FBXO28: variants seen among roughly 807,000 people sequenced by gnomAD.
FBXO28 encodes F-box only protein 28.
FBXO28 carries 8 observed loss-of-function variants against 38.1 expected under a neutral mutation model. The ratio of observed to expected loss-of-function variants is 0.21; its 90% CI spans 0.12 to 0.38. The LOEUF is 0.38. FBXO28 is among the 10% of genes least tolerant of loss of function. The pLI, the probability that FBXO28 is intolerant of heterozygous loss-of-function variation, is 1.00. For missense variants in FBXO28, 345 were observed against 460.6 expected (o/e 0.75, Z 2.30); for synonymous variants, 168 against 173.8 (o/e 0.97, Z 0.26).
At chr1:224,132,787 A>G (rs1358317728) in intron 2 of FBXO28, among the ~76,000 whole-genome samples, 12 of 148,480 alleles carry the variant, frequency 8.1e-5, no homozygotes, top group Non-Finnish European at 7.4e-5. Context: ...CCTGGGCGAC[A>G]GAGTGAGCCC....
intron 1 of FBXO28, among the ~76,000 whole-genome samples, chr1:224,121,593 A>T (rs1011464627): frequency 1.3e-5 from 2 of 152,108 alleles, no homozygotes; most frequent in African/African-American, 4.8e-5. Context: ...GGCCTCAAGC[A>T]GTCCTCCTGC....
rs1459382302 is a variant in FBXO28, at chr1:224,158,336, A to T, written c.*590A>T. 3 of 579,668 alleles carry T rather than the reference A, an allele frequency of 5.2e-6. No individual in the cohort carries two copies. The highest frequency in any genetic ancestry group is 6.5e-6 in the Non-Finnish European group (3 of 459,242). 35.9% of individuals were successfully genotyped at this position (579,668 alleles called of 1,614,324 possible). A position where few individuals can be genotyped will look rare whatever the true frequency, so the allele number is the denominator to read the frequency against. Reference sequence around the variant, plus strand: ...TATTGACTATATATTTTTATAAACTACTGGCAAGGAACTTACCCAGCTGTT... The same window carrying T: ...TATTGACTATATATTTTTATAAACTTCTGGCAAGGAACTTACCCAGCTGTT... On this transcript the variant is annotated 3_prime_UTR_variant, in exon 5 of 5. Coordinates refer to ENST00000366862, the MANE Select transcript of FBXO28 (RefSeq NM_015176.4).
rs192158338 is a variant in FBXO28 at position 224,138,048 on chromosome 1, T to C, written c.516+3836T>C. ...TTCAAGACCAGCCTGGCCAACATGG[T>C]GAAACCCTGTCTATACTAAAAATAC... On this transcript the variant is annotated intron_variant, in intron 3 of 4. Coordinates refer to ENST00000366862, the MANE Select transcript of FBXO28 (RefSeq NM_015176.4). Among the ~76,000 whole-genome samples the C allele has an allele frequency of 2.4e-3, 371 of 151,760 alleles. 11 individuals carry two copies. The highest frequency in any genetic ancestry group is 8.5e-3 in the African/African-American group (348 of 41,128).
chr1:224,132,811 A>G (rs1657084080), intron 2 of FBXO28, among the ~76,000 whole-genome samples: 1 of 152,102 alleles, frequency 6.6e-6, no homozygotes, highest in South Asian at 2.1e-4. Context: ...TCAAAAAAAA[A>G]AAAAAGAAAA....
rs1368181799 is a variant in FBXO28, at chr1:224,160,035, C to G, written c.*2289C>G. 1 of 152,078 alleles carries G rather than the reference C, an allele frequency of 6.6e-6. No individual in the cohort carries two copies. Among genetic ancestry groups the G allele is most frequent in the Non-Finnish European group, 1.5e-5 (1 of 68,022 alleles). 9.4% of individuals were successfully genotyped at this position (152,078 alleles called of 1,614,324 possible). On this transcript the variant is annotated 3_prime_UTR_variant, in exon 5 of 5. Transcript: ENST00000366862. ...TGTACTTGTTAATGCATGAATGTTC[C>G]ATGCAGTAGGAGAATAAAGCACTAC... is the stretch of plus-strand genomic sequence containing the variant.
intron 1 of FBXO28, among the ~76,000 whole-genome samples, chr1:224,118,415 A>G (rs1348447859): frequency 1.3e-5 from 2 of 152,168 alleles, no homozygotes; most frequent in African/African-American, 2.4e-5. Flanking sequence ...CTGCGATTCA[A>G]CTGGAGCTCT....
chr1:224,129,002 A>AG (rs1348274471), intron 1 of FBXO28, among the ~76,000 whole-genome samples: 1 of 151,410 alleles, frequency 6.6e-6, no homozygotes, highest in Non-Finnish European at 1.5e-5. Context: ...AAAAAAAAAA[A>AG]ACTATATTAA....
rs112017209 is a variant in FBXO28, at chr1:224,148,661, CAAAAAAAGAAAA to C, written c.517-4468_517-4457del. 3.9e-3 allele frequency among the ~76,000 whole-genome samples: 562 copies of C among 145,514 alleles called. 6 individuals are homozygous for C. Among genetic ancestry groups the C allele is most frequent in the African/African-American group, 0.014 (533 of 39,288 alleles). On this transcript the variant is annotated intron_variant, in intron 3 of 4. Coordinates refer to ENST00000366862, the MANE Select transcript of FBXO28 (RefSeq NM_015176.4). ...TGGGCGACAGAGCAAGACTCCGTCT[CAAAAAAAGAAAA>C]AAAAAAAGAAAAGAAACACCCTAGA...
At chr1:224,145,561 A>G (rs1030339766) in intron 3 of FBXO28, among the ~76,000 whole-genome samples, 3 of 152,168 alleles carry the variant, frequency 2.0e-5, no homozygotes, top group Non-Finnish European at 2.9e-5. Context: ...TGACCCTCAT[A>G]TATGGTTTGT....
In FBXO28 at chr1:224,158,561, GA is replaced by G. The variant is rs1657824012; in HGVS notation, c.*817del. On this transcript the variant is annotated 3_prime_UTR_variant, in exon 5 of 5. Coordinates refer to ENST00000366862, the MANE Select transcript of FBXO28 (RefSeq NM_015176.4). ...CCGCAACAGCTTGCCTCTAGAGGGG[GA>G]ATTGTTCATCCATTTGTCCTCCAGT... is the stretch of plus-strand genomic sequence containing the variant. 6.6e-6 allele frequency: 1 copy of G among 152,552 alleles called. No individual in the cohort carries two copies. Among genetic ancestry groups the G allele is most frequent in the Non-Finnish European group, 1.5e-5 (1 of 68,058 alleles). The allele number at this position is 152,552 out of a possible 1,614,324, so 9.4% of individuals were successfully genotyped here. A position where few individuals can be genotyped will look rare whatever the true frequency, so the allele number is the denominator to read the frequency against.
At chr1:224,114,795 G>T (rs867455676) in intron 1 of FBXO28, among the ~76,000 whole-genome samples, 5 of 152,354 alleles carry the variant, frequency 3.3e-5, no homozygotes, top group Non-Finnish European at 4.4e-5. Context: ...AGAAAACTCA[G>T]AAGTAGGCAG....
chr1:224,153,909 G>A (rs1006203351), intron 4 of FBXO28, among the ~76,000 whole-genome samples: 37 of 145,166 alleles, frequency 2.5e-4, no homozygotes, highest in African/African-American at 9.1e-4. Context: ...CAACAAGAGC[G>A]AAACTCCATC....
intron 4 of FBXO28, among the ~76,000 whole-genome samples, chr1:224,155,815 A>C (rs1022321003): frequency 3.3e-5 from 5 of 152,186 alleles, no homozygotes; most frequent in African/African-American, 1.2e-4. Context: ...GTGGAGACTA[A>C]AAAGAAGTGT....
chr1:224,146,664 A>G (rs930122376), intron 3 of FBXO28, among the ~76,000 whole-genome samples: 2 of 150,620 alleles, frequency 1.3e-5, no homozygotes, highest in Non-Finnish European at 3.0e-5. Context: ...GGCATAAGCC[A>G]CCAGCCACAG....
chr1:224,151,495 G>A (rs1657646548), intron 3 of FBXO28, among the ~76,000 whole-genome samples: 1 of 152,202 alleles, frequency 6.6e-6, no homozygotes, highest in Non-Finnish European at 1.5e-5. Context: ...GTGAAGGGCT[G>A]TGAATTTGTC....
At chr1:224,147,264 A>T (rs1427960140) in intron 3 of FBXO28, among the ~76,000 whole-genome samples, 7 of 151,730 alleles carry the variant, frequency 4.6e-5, no homozygotes, top group Admixed American at 4.6e-4. Flanking sequence ...CTCTACTAAA[A>T]ATACAAAAAT....
Position 224,159,312 on chromosome 1 carries a change from C to T in FBXO28, c.*1566C>T, listed in dbSNP as rs149799619. ...GGTTATCACCTTTTTTATCCGTCCACCGTGACATGGTTATGCATCCTTTAG... is the reference window on the plus strand; with the variant it reads ...GGTTATCACCTTTTTTATCCGTCCATCGTGACATGGTTATGCATCCTTTAG... On this transcript the variant is annotated 3_prime_UTR_variant, in exon 5 of 5. Transcript: ENST00000366862. 2.6e-3 allele frequency: 390 copies of T among 152,586 alleles called. 1 individual carries two copies. Among genetic ancestry groups the T allele is most frequent in the African/African-American group, 8.4e-3 (349 of 41,520 alleles). The allele number at this position is 152,586 out of a possible 1,614,324, so 9.5% of individuals were successfully genotyped here. A position where few individuals can be genotyped will look rare whatever the true frequency, so the allele number is the denominator to read the frequency against.
At position 224,161,563 on chromosome 1, in the gene FBXO28, G is replaced by A. The variant is rs138118866; in HGVS notation, c.*3817G>A. 6.6e-6 allele frequency: 1 copy of A among 152,168 alleles called. No individual in the cohort carries two copies. The highest frequency in any genetic ancestry group is 1.5e-5 in the Non-Finnish European group (1 of 68,026). 9.4% of individuals were successfully genotyped at this position (152,168 alleles called of 1,614,324 possible). A position where few individuals can be genotyped will look rare whatever the true frequency, so the allele number is the denominator to read the frequency against. On this transcript the variant is annotated 3_prime_UTR_variant, in exon 5 of 5. Transcript: ENST00000366862. ...AAACTTGTATAGCCTGCCATCTGAG[G>A]TGAATTATTTTCAAAAAATACTAAA...
chr1:224,121,659 A>G (rs1656782059), intron 1 of FBXO28, among the ~76,000 whole-genome samples: 1 of 152,046 alleles, frequency 6.6e-6, no homozygotes, highest in East Asian at 1.9e-4. Context: ...TTGGGCAAAT[A>G]GAACTTTTTT....
Sources: allele counts gnomAD v4.1 joint callset (sites outside exome capture counted in the v4.1 genomes callset), GRCh38; gene constraint gnomAD v4.1.1; transcripts MANE v1.5; gene names NCBI Gene and HGNC (gene_info 2026-07-23, HGNC 2026-07-21).